Variants in UBA2 observed in about 807,000 individuals in gnomAD.
The protein encoded by UBA2 is ubiquitin like modifier activating enzyme 2, also known as SUMO-activating enzyme subunit 2.
UBA2 carries 11 observed loss-of-function variants against 77.2 expected under a neutral mutation model. The observed-to-expected ratio is 0.14, with a 90% CI of 0.09 to 0.24. UBA2 has a LOEUF of 0.24. Ranked by LOEUF, UBA2 falls within the 10% of genes least tolerant of loss-of-function variation. UBA2 has a pLI of 1.00. For synonymous variants in UBA2, 278 were observed against 276.7 expected, an observed-to-expected ratio of 1.00 and a Z score of -0.05; for missense variants, 487 against 781.7, an observed-to-expected ratio of 0.62 and a Z score of 4.50.
chr19:34,429,171 G>A, intron 1 of UBA2: 1 of 985,278 alleles, frequency 1.0e-6, no homozygotes, highest in Non-Finnish European at 1.2e-6. Context: ...GTCACGGAGC[G>A]AGTGGCAGGG....
intron 14 of UBA2, among the ~76,000 whole-genome samples, chr19:34,463,788 C>G (rs1316271789): frequency 3.3e-5 from 5 of 151,974 alleles, no homozygotes; most frequent in African/African-American, 9.7e-5. Flanking sequence ...ATAAGGACAT[C>G]AGTCAGATCA....
chr19:34,462,218 G>A (rs2075639234), intron 14 of UBA2, among the ~76,000 whole-genome samples: 1 of 152,196 alleles, frequency 6.6e-6, no homozygotes, highest in Non-Finnish European at 1.5e-5. Context: ...GGAGCTATTA[G>A]GGAGGAGGGG....
At chr19:34,432,859 T>G (rs887928723) in intron 3 of UBA2, among the ~76,000 whole-genome samples, 2 of 151,176 alleles carry the variant, frequency 1.3e-5, no homozygotes, top group Non-Finnish European at 2.9e-5. Flanking sequence ...CCGGCCTGTA[T>G]CTCCGGCTTG....
At chr19:34,464,557 TAA>T (rs11284248) in intron 15 of UBA2, among the ~76,000 whole-genome samples, 150 of 141,314 alleles carry the variant, frequency 1.1e-3, no homozygotes, top group Non-Finnish European at 1.3e-3. Context: ...GACTCCAACT[TAA>T]AAAAAAAAAA....
At chr19:34,447,108 T>C (rs2075440413) in intron 8 of UBA2, among the ~76,000 whole-genome samples, 1 of 152,148 alleles carries the variant, frequency 6.6e-6, no homozygotes. Context: ...AGAGCCAGTC[T>C]GAGTCTCAAA....
intron 12 of UBA2, among the ~76,000 whole-genome samples, chr19:34,456,106 C>CTTTTTTTTTTTTTTTTTTTTTTTTTTT (rs869130576): frequency 2.7e-5 from 2 of 73,660 alleles, no homozygotes; most frequent in East Asian, 6.5e-4. Flanking sequence ...TTTTCTTTTT[C>CTTTTTTTTTTTTTTTTTTTTTTTTTTT]TTTTTTTTTT....
At chr19:34,454,623 A>G (rs1293656850) in intron 12 of UBA2, 67 bp downstream of exon 12, 2 of 769,624 alleles carry the variant, frequency 2.6e-6, no homozygotes, top group East Asian at 6.1e-5. Context: ...AAGTACATTA[A>G]ACAGATAATT....
chr19:34,438,593 G>T, intron 5 of UBA2, 52 bp from the exon 6 acceptor site: 1 of 1,605,892 alleles, frequency 6.2e-7, no homozygotes, highest in Middle Eastern at 1.7e-4. Flanking sequence ...ACCTTATAAT[G>T]TTGAGAAACT....
At chr19:34,441,493 T>TA (rs957638516) in intron 6 of UBA2, among the ~76,000 whole-genome samples, 4 of 151,860 alleles carry the variant, frequency 2.6e-5, no homozygotes, top group Admixed American at 2.0e-4. Flanking sequence ...AAATTAAAAA[T>TA]AAAAAAACTT....
intron 3 of UBA2, among the ~76,000 whole-genome samples, chr19:34,432,487 A>C (rs934728760): frequency 2.0e-5 from 3 of 152,186 alleles, no homozygotes; most frequent in Non-Finnish European, 4.4e-5. Context: ...ATAGTGTTAA[A>C]AATAGTCCTT....
At chr19:34,459,126 TAGG>T (rs1274294984) in intron 13 of UBA2, among the ~76,000 whole-genome samples, 7 of 151,942 alleles carry the variant, frequency 4.6e-5, no homozygotes, top group African/African-American at 1.7e-4. Context: ...CAGAATGGAG[TAGG>T]AGTATTTGAC....
intron 8 of UBA2, among the ~76,000 whole-genome samples, chr19:34,446,337 G>A (rs983655111): frequency 5.3e-5 from 8 of 152,176 alleles, no homozygotes; most frequent in Non-Finnish European, 1.0e-4. Flanking sequence ...CCACATAACC[G>A]AAAACTCTTT....
intron 8 of UBA2, among the ~76,000 whole-genome samples, chr19:34,446,625 T>C (rs921940217): frequency 6.6e-6 from 1 of 151,396 alleles, no homozygotes; most frequent in Non-Finnish European, 1.5e-5. Flanking sequence ...TTTTTTTTTT[T>C]TTGAGAGAGA....
chr19:34,451,375 T>C (rs1192458286), intron 9 of UBA2, among the ~76,000 whole-genome samples: 1 of 152,058 alleles, frequency 6.6e-6, no homozygotes, highest in African/African-American at 2.4e-5. Flanking sequence ...CAAACAGATT[T>C]AATTATGACT....
intron 8 of UBA2, among the ~76,000 whole-genome samples, chr19:34,446,362 G>A (rs529509154): frequency 6.6e-6 from 1 of 152,334 alleles, no homozygotes; most frequent in South Asian, 2.1e-4. Flanking sequence ...TTCTGCTGGA[G>A]AGAATCCACT....
At chr19:34,466,013 C>G (rs2075683560) in intron 15 of UBA2, among the ~76,000 whole-genome samples, 1 of 152,016 alleles carries the variant, frequency 6.6e-6, no homozygotes, top group Non-Finnish European at 1.5e-5. Flanking sequence ...TGTAGTTCTG[C>G]CCATAAGACA....
At chr19:34,462,789 A>ATCTCTTGTAAAAT (rs2075645948) in intron 14 of UBA2, among the ~76,000 whole-genome samples, 1 of 152,102 alleles carries the variant, frequency 6.6e-6, no homozygotes, top group Admixed American at 6.5e-5. Context: ...AACATGGCAA[A>ATCTCTTGTAAAAT]ACCTCATCTC....
chr19:34,447,160 C>T (rs890722412), intron 8 of UBA2, among the ~76,000 whole-genome samples: 1 of 152,106 alleles, frequency 6.6e-6, no homozygotes, highest in Non-Finnish European at 1.5e-5. Context: ...CAGGAAGCAT[C>T]CAACATGGGA....
intron 2 of UBA2, 81 bp downstream of exon 2, chr19:34,430,740 G>C: frequency 8.9e-7 from 1 of 1,119,012 alleles, no homozygotes; most frequent in Non-Finnish European, 1.3e-6. Flanking sequence ...CTGTCATATA[G>C]GAGGGAAAAA....
Sources: allele counts gnomAD v4.1 joint callset (sites outside exome capture counted in the v4.1 genomes callset), GRCh38; gene constraint gnomAD v4.1.1; transcripts MANE v1.5; gene names NCBI Gene and HGNC (gene_info 2026-07-23, HGNC 2026-07-21).